NCOR1: variants seen among roughly 807,000 people sequenced by gnomAD.
NCOR1 encodes protein phosphatase 1, regulatory subunit 109.
NCOR1 carries 63 observed loss-of-function variants against 288.1 expected under a neutral mutation model. That is an observed-to-expected ratio of 0.22 (90% confidence interval 0.18 to 0.27). NCOR1 has a LOEUF of 0.27. NCOR1 is among the 10% of genes least tolerant of loss of function. The pLI is 1.00. For synonymous variants in NCOR1, 1,007 were observed against 1,065.9 expected (o/e 0.94, Z 1.08); for missense variants, 2,397 against 3,019.2 (o/e 0.79, Z 4.83).
chr17:16,147,281 C>G (rs1332683237), intron 9 of NCOR1, among the ~76,000 whole-genome samples: 2 of 151,956 alleles, frequency 1.3e-5, no homozygotes, highest in Non-Finnish European at 2.9e-5. Context: ...TGGTGGTGGG[C>G]ACCTGTAGTC....
At chr17:16,120,919 A>C (rs941615907) in intron 16 of NCOR1, 133 bp downstream of exon 16, 8 of 798,402 alleles carry the variant, frequency 1.0e-5, no homozygotes, top group African/African-American at 1.8e-5. Flanking sequence ...ATTAAAGTTT[A>C]AAAAATTTAA....
intron 1 of NCOR1, among the ~76,000 whole-genome samples, chr17:16,197,846 G>A (rs1378572704): frequency 6.6e-6 from 1 of 151,968 alleles, no homozygotes; most frequent in Non-Finnish European, 1.5e-5. Flanking sequence ...TTATATGTAG[G>A]ACTTAAGAAA....
chr17:16,116,751 C>T (rs1052304472), intron 18 of NCOR1, among the ~76,000 whole-genome samples: 2 of 152,070 alleles, frequency 1.3e-5, no homozygotes, highest in Non-Finnish European at 1.5e-5. Context: ...TTACATGACA[C>T]GAAGTATAAA....
At chr17:16,204,997 G>T (rs2091315233) in intron 1 of NCOR1, among the ~76,000 whole-genome samples, 1 of 152,216 alleles carries the variant, frequency 6.6e-6, no homozygotes, top group Non-Finnish European at 1.5e-5. Flanking sequence ...CAGGCGGGTG[G>T]ATCACCTGAA....
At chr17:16,093,605 T>C (rs1010847789) in intron 21 of NCOR1, among the ~76,000 whole-genome samples, 1 of 152,226 alleles carries the variant, frequency 6.6e-6, no homozygotes. Flanking sequence ...TCTGACTTTT[T>C]TTTAGAATCT....
chr17:16,181,205 A>ATAGG (rs2085352109), intron 3 of NCOR1, among the ~76,000 whole-genome samples: 1 of 98,994 alleles, frequency 1.0e-5, no homozygotes, highest in South Asian at 3.5e-4. Context: ...GTATACATAT[A>ATAGG]TATGTATGTG....
At chr17:16,081,726 T>G (rs1288876447) in intron 23 of NCOR1, among the ~76,000 whole-genome samples, 2 of 152,192 alleles carry the variant, frequency 1.3e-5, no homozygotes, top group Admixed American at 1.3e-4. Flanking sequence ...GGCAACTGAT[T>G]AACTTCTCCA....
intron 42 of NCOR1, chr17:16,041,269 A>C (rs1174415844): frequency 6.6e-6 from 1 of 152,254 alleles, no homozygotes; most frequent in Non-Finnish European, 1.5e-5. Context: ...GCAGTGTGCC[A>C]GAAAGGGGAA....
rs2082646771 is a variant in NCOR1 at position 16,169,238 on chromosome 17, G to A, written c.435+2565C>T. The stretch of plus-strand genomic sequence containing the variant: ...TGACTCTGGACACACTGCCTTATGG[G>A]TTAGCCCTGTTCCACAAGGAGCAGC... On this transcript the variant is annotated intron_variant, in intron 4 of 45. Transcript: ENST00000268712. Among the ~76,000 whole-genome samples the A allele has an allele frequency of 2.0e-5, 3 of 151,940 alleles. No individual in the cohort carries two copies. In the South Asian group the frequency reaches 6.2e-4, roughly 32 times the overall value.
intron 32 of NCOR1, chr17:16,065,959 T>G (rs1448708137): frequency 2.2e-6 from 1 of 460,426 alleles, no homozygotes; most frequent in Admixed American, 3.5e-5. Context: ...ATCTTTGACA[T>G]GTAACTTTAT....
At chr17:16,162,714 CCAAA>C (rs1403153257) in intron 5 of NCOR1, among the ~76,000 whole-genome samples, 1 of 151,988 alleles carries the variant, frequency 6.6e-6, no homozygotes, top group Non-Finnish European at 1.5e-5. Flanking sequence ...GTCATAAAAA[CCAAA>C]CAAATACTGA....
chr17:16,170,607 G>A (rs954714307), intron 4 of NCOR1, among the ~76,000 whole-genome samples: 3 of 152,002 alleles, frequency 2.0e-5, no homozygotes, highest in Non-Finnish European at 4.4e-5. Context: ...GGCCGAGGTG[G>A]GCAGATCACG....
At chr17:16,106,567 CAGAT>C (rs1022331862) in intron 19 of NCOR1, among the ~76,000 whole-genome samples, 3 of 152,006 alleles carry the variant, frequency 2.0e-5, no homozygotes, top group Non-Finnish European at 2.9e-5. Flanking sequence ...TTTAGGAAAA[CAGAT>C]AGAGGAACCC....
At chr17:16,060,633 A>G (rs144239191) in intron 37 of NCOR1, among the ~76,000 whole-genome samples, 1 of 152,362 alleles carries the variant, frequency 6.6e-6, no homozygotes, top group African/African-American at 2.4e-5. Context: ...AGATCAAAAG[A>G]ACTGCACATT....
chr17:16,124,777 G>A (rs2073703017), intron 15 of NCOR1, among the ~76,000 whole-genome samples: 2 of 152,064 alleles, frequency 1.3e-5, no homozygotes, highest in African/African-American at 2.4e-5. Context: ...TTTATATGAC[G>A]AAGTCAATAA....
intron 22 of NCOR1, among the ~76,000 whole-genome samples, chr17:16,090,823 C>T (rs1303192569): frequency 6.6e-6 from 1 of 152,114 alleles, no homozygotes; most frequent in Non-Finnish European, 1.5e-5. Flanking sequence ...CAGTTAAGTA[C>T]CACAGTTCCT....
intron 1 of NCOR1, among the ~76,000 whole-genome samples, chr17:16,207,944 AT>A (rs2091720406): frequency 6.7e-6 from 1 of 150,298 alleles, no homozygotes; most frequent in Non-Finnish European, 1.5e-5. Flanking sequence ...AATCTACTTA[AT>A]TTTTTATATA....
intron 38 of NCOR1, 62 bp from the exon 39 acceptor site, chr17:16,058,126 A>G (rs752655592): frequency 6.5e-7 from 1 of 1,542,392 alleles, no homozygotes; most frequent in South Asian, 1.1e-5. Flanking sequence ...TCATTATCAA[A>G]GATTAAATAT....
At chr17:16,043,337 T>C (rs2058078730) in intron 42 of NCOR1, among the ~76,000 whole-genome samples, 1 of 152,158 alleles carries the variant, frequency 6.6e-6, no homozygotes, top group African/African-American at 2.4e-5. Context: ...TGTGCCATGG[T>C]GGGCCCAGGA....
Sources: allele counts gnomAD v4.1 joint callset (sites outside exome capture counted in the v4.1 genomes callset), GRCh38; gene constraint gnomAD v4.1.1; transcripts MANE v1.5; gene names NCBI Gene and HGNC (gene_info 2026-07-23, HGNC 2026-07-21).